CCDC85A: variants seen among roughly 807,000 people sequenced by gnomAD.
The protein encoded by CCDC85A is coiled-coil domain containing 85A.
Under a neutral mutation model 50.2 loss-of-function variants are expected in CCDC85A, and 38 were observed. The ratio of observed to expected loss-of-function variants is 0.76; its 90% CI spans 0.58 to 0.99. The LOEUF is 0.99. Ranked by LOEUF, CCDC85A falls within the 50% of genes least tolerant of loss-of-function variation. CCDC85A has a pLI of 0.00. For synonymous variants in CCDC85A, 366 were observed against 301.4 expected (o/e 1.21, Z -2.22); for missense variants, 820 against 742.0 (o/e 1.11, Z -1.22).
chr2:56,329,057 C>G (rs1418131770), intron 2 of CCDC85A, among the ~76,000 whole-genome samples: 1 of 152,186 alleles, frequency 6.6e-6, no homozygotes, highest in Non-Finnish European at 1.5e-5. Context: ...TGCCCTGGGA[C>G]TTGTCTCCTT....
chr2:56,194,790 G>A (rs533189062), intron 2 of CCDC85A, among the ~76,000 whole-genome samples: 1 of 152,322 alleles, frequency 6.6e-6, no homozygotes, highest in Non-Finnish European at 1.5e-5. Context: ...GTTGTCTTGA[G>A]GCGTCCTGGC....
intron 3 of CCDC85A, among the ~76,000 whole-genome samples, chr2:56,369,585 A>G (rs139495595): frequency 6.6e-6 from 1 of 152,142 alleles, no homozygotes; most frequent in African/African-American, 2.4e-5. Flanking sequence ...TCTTCAAGTC[A>G]GGCTGACTTA....
At chr2:56,331,326 G>A (rs1447124481) in intron 2 of CCDC85A, among the ~76,000 whole-genome samples, 4 of 152,148 alleles carry the variant, frequency 2.6e-5, no homozygotes, top group African/African-American at 9.7e-5. Context: ...GTTGATAGGT[G>A]CAGCAAACCA....
intron 2 of CCDC85A, among the ~76,000 whole-genome samples, chr2:56,247,306 A>G (rs1669553555): frequency 6.6e-6 from 1 of 152,322 alleles, no homozygotes; most frequent in African/African-American, 2.4e-5. Flanking sequence ...ATGAAGAGAA[A>G]TTTAAAGTTT....
intron 2 of CCDC85A, among the ~76,000 whole-genome samples, chr2:56,240,235 A>G (rs896480881): frequency 1.3e-5 from 2 of 152,170 alleles, no homozygotes; most frequent in African/African-American, 4.8e-5. Flanking sequence ...TGCATAGGGT[A>G]TAACTTTGTA....
At chr2:56,345,277 C>A (rs951727120) in intron 3 of CCDC85A, among the ~76,000 whole-genome samples, 3 of 152,026 alleles carry the variant, frequency 2.0e-5, no homozygotes, top group Non-Finnish European at 4.4e-5. Context: ...GTGGGATGCA[C>A]CATCATGATA....
chr2:56,225,993 A>G (rs958233981), intron 2 of CCDC85A, among the ~76,000 whole-genome samples: 5 of 152,188 alleles, frequency 3.3e-5, no homozygotes, highest in Non-Finnish European at 7.3e-5. Context: ...TGCTCAACAC[A>G]TTGGAATATA....
chr2:56,263,289 A>G (rs1300831034), intron 2 of CCDC85A, among the ~76,000 whole-genome samples: 2 of 152,224 alleles, frequency 1.3e-5, no homozygotes, highest in Non-Finnish European at 2.9e-5. Context: ...GATCTTCTAG[A>G]TAGTGTTCAT....
chr2:56,313,452 C>T (rs1252048540), intron 2 of CCDC85A, among the ~76,000 whole-genome samples: 1 of 152,082 alleles, frequency 6.6e-6, no homozygotes, highest in Admixed American at 6.6e-5. Context: ...ATCCTACCTT[C>T]ATTTGTTTCA....
intron 3 of CCDC85A, among the ~76,000 whole-genome samples, chr2:56,370,858 G>A (rs1355926748): frequency 6.6e-6 from 1 of 152,012 alleles, no homozygotes; most frequent in East Asian, 1.9e-4. Context: ...ATCCAAAAAG[G>A]ATAAGATCTG....
intron 2 of CCDC85A, among the ~76,000 whole-genome samples, chr2:56,318,775 T>C (rs1180730262): frequency 3.9e-5 from 6 of 152,140 alleles, no homozygotes; most frequent in Non-Finnish European, 7.3e-5. Context: ...TATTCATTTG[T>C]ATTTATCTGG....
chr2:56,223,019 T>C (rs1001687763), intron 2 of CCDC85A, among the ~76,000 whole-genome samples: 1 of 152,124 alleles, frequency 6.6e-6, no homozygotes, highest in Non-Finnish European at 1.5e-5. Flanking sequence ...TACCTACGCG[T>C]AAGTGCCAAG....
In CCDC85A at chr2:56,374,309, G is replaced by T. The variant is rs145000811; in HGVS notation, c.1453-1507G>T. Among the ~76,000 whole-genome samples the T allele has an allele frequency of 3.3e-5, 5 of 152,298 alleles. No individual in the cohort carries two copies. In the East Asian group the frequency reaches 9.7e-4, roughly 29 times the overall value. Reference sequence around the variant, plus strand: ...AATGTGGCCTCAGTAGGCTAGTGAGGTGGCAGGGGGAGCCTTTGAGGACAT... The same window carrying T: ...AATGTGGCCTCAGTAGGCTAGTGAGTTGGCAGGGGGAGCCTTTGAGGACAT... On this transcript the variant is annotated intron_variant, in intron 4 of 5. Coordinates refer to ENST00000407595, the MANE Select transcript of CCDC85A (RefSeq NM_001080433.2).
intron 2 of CCDC85A, among the ~76,000 whole-genome samples, chr2:56,300,581 A>T (rs1422129544): frequency 6.6e-6 from 1 of 152,208 alleles, no homozygotes; most frequent in African/African-American, 2.4e-5. Flanking sequence ...AGGAGCAGAA[A>T]ACATGAATGC....
intron 2 of CCDC85A, among the ~76,000 whole-genome samples, chr2:56,291,213 A>C (rs533919540): frequency 8.1e-4 from 124 of 152,344 alleles, no homozygotes; most frequent in Admixed American, 1.6e-3. Context: ...CTTTGAGTAG[A>C]GGCTCAGTGA....
rs557872935 is a variant in CCDC85A at position 56,246,945 on chromosome 2, A to C, written c.1240+53505A>C. ...GACAGTTCATTCCAATCATCCTTAC[A>C]ATCCAAGTATGTGTGAAGTTCTTGA... On this transcript the variant is annotated intron_variant, in intron 2 of 5. Coordinates refer to ENST00000407595, the MANE Select transcript of CCDC85A (RefSeq NM_001080433.2). Among the ~76,000 whole-genome samples, 5 of 152,316 alleles carry C rather than the reference A, an allele frequency of 3.3e-5. No individual in the cohort carries two copies. The South Asian group carries it at 1.0e-3, about 32-fold the overall frequency.
chr2:56,265,749 A>G (rs1426100891), intron 2 of CCDC85A, among the ~76,000 whole-genome samples: 1 of 152,182 alleles, frequency 6.6e-6, no homozygotes, highest in Non-Finnish European at 1.5e-5. Context: ...GCCTCAAAAA[A>G]CTAAAAATGG....
intron 2 of CCDC85A, among the ~76,000 whole-genome samples, chr2:56,304,960 G>T (rs1672374937): frequency 6.6e-6 from 1 of 151,292 alleles, no homozygotes; most frequent in Non-Finnish European, 1.5e-5. Flanking sequence ...AAAAAAACCT[G>T]GGCGTGGTGG....
intron 2 of CCDC85A, among the ~76,000 whole-genome samples, chr2:56,203,362 T>C (rs1053729909): frequency 2.7e-5 from 4 of 147,222 alleles, no homozygotes; most frequent in African/African-American, 9.8e-5. Flanking sequence ...GCTTGAAAAT[T>C]GTGTTTTTTT....
Sources: gnomAD v4.1 joint callset for allele counts (sites outside exome capture counted in the v4.1 genomes callset) on GRCh38, gnomAD v4.1.1 for gene constraint, MANE v1.5 for transcripts, NCBI Gene and HGNC (gene_info 2026-07-23, HGNC 2026-07-21) for gene names.